EP400: variants seen among roughly 807,000 people sequenced by gnomAD.
The protein encoded by EP400 is E1A-binding protein p400.
EP400 carries 105 observed loss-of-function variants against 354.1 expected under a neutral mutation model. The observed-to-expected ratio is 0.30, with a 90% CI of 0.25 to 0.35. The LOEUF (loss-of-function observed/expected upper bound fraction) is 0.35, where lower values mean the gene tolerates loss of function less well. Among genes scored for constraint, EP400 ranks in the 10% least tolerant of loss-of-function variants. The pLI is 1.00. For missense variants in EP400, 3,280 were observed against 4,121.0 expected (o/e 0.80, Z 5.59); for synonymous variants, 1,646 against 1,716.9 (o/e 0.96, Z 1.02).
intron 1 of EP400, among the ~76,000 whole-genome samples, chr12:131,956,195 T>C (rs1432005625): frequency 6.6e-6 from 1 of 152,120 alleles, no homozygotes; most frequent in African/African-American, 2.4e-5. Context: ...CTCAACTGTG[T>C]TGTGGGTGTG....
rs1894112821 is a variant in EP400 at position 132,021,246 on chromosome 12, C to T, written c.4615C>T (p.Pro1539Ser). The T allele has an allele frequency of 6.5e-7, 1 of 1,549,932 alleles. No individual in the cohort carries two copies. Among genetic ancestry groups the T allele is most frequent in the Non-Finnish European group, 8.7e-7 (1 of 1,154,202 alleles). ...PGQPPPQPQA[P>S]SHAAGQSALP... ...CCAGCCCCCGCCCCAGCCCCAGGCC[C>T]CCTCGCACGCGGCCGGGCAGAGCGC... Residue 1539 changes from proline (P) to serine (S), a missense_variant, in exon 23 of 53, where the codon CCC becomes TCC. By Grantham distance (74) the Pro-to-Ser change is moderately conservative. Around this residue, in one of 20 missense-constraint regions of EP400, gnomAD observed 342 missense variants for 342.7 expected, o/e 1.00. Coordinates refer to ENST00000389561, the MANE Select transcript of EP400 (RefSeq NM_015409.5).
chr12:132,018,415 C>G lies in EP400; in HGVS notation c.4277+39C>G. 1.3e-6 allele frequency: 2 copies of G among 1,565,144 alleles called. No homozygotes were observed. Among genetic ancestry groups the G allele is most frequent in the Non-Finnish European group, 1.7e-6 (2 of 1,161,270 alleles). ...AGAGGCAGCGGGGAGGGTTGGCTCC[C>G]AGGGCCCCCACAGCTGACCCAGGTC... On this transcript the variant is annotated intron_variant, in intron 21 of 52. Transcript: ENST00000389561. This position sits in a 1 kb window ranked among gnomAD's most constrained non-coding sequence, Gnocchi z 4.0.
rs926168005 is a variant in EP400 at position 131,989,991 on chromosome 12, G to A, written c.2437G>A (p.Glu813Lys). The change falls in exon 8 of 53, where the codon GAG (glutamate) becomes AAG (lysine). Residue 813 changes from glutamate to lysine, a missense_variant. Physicochemically the swap from Glu to Lys is moderately conservative, Grantham distance 56. Transcript: ENST00000389561. ...KLVRTVVRHH[E>K]EKQLREERGK... The stretch of plus-strand genomic sequence containing the variant: ...CGTTAGAACTGTGGTGCGCCATCAC[G>A]AGGAGAAGCAGCTCCGTGAAGAAAG... 34 of 1,613,816 alleles carry A rather than the reference G, an allele frequency of 2.1e-5. No homozygotes were observed. The highest frequency in any genetic ancestry group is 2.8e-5 in the Non-Finnish European group (33 of 1,179,928).
At chr12:132,016,255 A>AC in intron 19 of EP400, among the ~76,000 whole-genome samples, 1 of 151,962 alleles carries the variant, frequency 6.6e-6, no homozygotes, top group Middle Eastern at 3.4e-3. Context: ...TTCGGTCTCC[A>AC]CTCATTTCTC....
intron 2 of EP400, among the ~76,000 whole-genome samples, chr12:131,972,245 T>C (rs1436175840): frequency 1.3e-5 from 2 of 151,528 alleles, no homozygotes; most frequent in Non-Finnish European, 2.9e-5. Context: ...CTCCGCCTCC[T>C]GGGTTCACGC....
chr12:132,064,789 C>A lies in EP400; in HGVS notation c.8456C>A (p.Pro2819Gln). Residue 2819 changes from proline (P) to glutamine (Q), a missense_variant, in exon 48 of 53, where the codon CCG (proline) becomes CAG (glutamine). Physicochemically the swap from Pro to Gln is moderately conservative, Grantham distance 76. Around this residue, in one of 20 missense-constraint regions of EP400, gnomAD observed 86 missense variants for 66.4 expected, o/e 1.29. Transcript: ENST00000389561. ...AQVQVQTSQP[P>Q]QQQSPQLTTV... ...GTGCAAGTGCAGACCTCGCAGCCGC[C>A]GCAGCAGCAGAGCCCCCAGCTCACG... The A allele has an allele frequency of 6.2e-7, 1 of 1,613,026 alleles. No homozygotes were observed. The highest frequency in any genetic ancestry group is 8.5e-7 in the Non-Finnish European group (1 of 1,179,864).
Position 131,960,707 on chromosome 12 carries a change from G to GACCCCCC in EP400, c.88_89insACCCCCC (p.Ala30AspfsTer37). The GACCCCCC allele has an allele frequency of 3.9e-6, 6 of 1,545,588 alleles. No homozygotes were observed. Among genetic ancestry groups the GACCCCCC allele is most frequent in the South Asian group, 2.4e-5 (2 of 83,346 alleles). On this transcript the variant is annotated frameshift_variant, in exon 2 of 53. Coordinates refer to ENST00000389561, the MANE Select transcript of EP400 (RefSeq NM_015409.5). LOFTEE classifies it high-confidence loss of function. ...TGGCAGCGAGGGTGAGGAGCAGCCG[G>GACCCCCC]CCCACCCCAACCCACCCCCGTCCCC...
intron 30 of EP400, 112 bp from the exon 31 acceptor site, chr12:132,037,570 G>A: frequency 1.2e-6 from 1 of 811,094 alleles, no homozygotes; most frequent in Admixed American, 2.0e-5. Context: ...TCTGAGCAGG[G>A]GTAGCTGGAG....
chr12:131,991,454 C>G lies in EP400; in HGVS notation c.2677C>G (p.Leu893Val). The change falls in exon 10 of 53, where the codon CTG (leucine) becomes GTG (valine). Residue 893 changes from leucine (L) to valine (V), a missense_variant and splice_region_variant. By Grantham distance (32) the Leu-to-Val change is conservative. Coordinates refer to ENST00000389561, the MANE Select transcript of EP400 (RefSeq NM_015409.5). ...ATTTGACGCATTACAGGAAAGTTCTCTGGTAAGTTTGGGGTTGTTACTGTG... is the reference window on the plus strand; with the variant it reads ...ATTTGACGCATTACAGGAAAGTTCTGTGGTAAGTTTGGGGTTGTTACTGTG... ...KGFDALQESS[L>V]DSGMSGRKRK... 1.2e-6 allele frequency: 2 copies of G among 1,614,024 alleles called. No homozygotes were observed. The highest frequency in any genetic ancestry group is 1.7e-5 in the Admixed American group (1 of 60,018).
chr12:132,023,063 C>T (rs1332588150), intron 23 of EP400, among the ~76,000 whole-genome samples: 1 of 151,220 alleles, frequency 6.6e-6, no homozygotes, highest in Non-Finnish European at 1.5e-5. Context: ...AGGTACTTTT[C>T]ACATTTTTAA....
chr12:131,951,291 G>A (rs1470535946), intron 1 of EP400, among the ~76,000 whole-genome samples: 1 of 150,888 alleles, frequency 6.6e-6, no homozygotes, highest in African/African-American at 2.4e-5. Context: ...AGCTCAGGCA[G>A]TCCGCCCACC....
intron 24 of EP400, among the ~76,000 whole-genome samples, chr12:132,024,344 G>A (rs1226623897): frequency 6.6e-6 from 1 of 152,154 alleles, no homozygotes; most frequent in African/African-American, 2.4e-5. Context: ...CTGCACTCCA[G>A]CCTGGGTCAC....
At chr12:132,073,378 G>C (rs1896122902) in intron 51 of EP400, among the ~76,000 whole-genome samples, 1 of 151,060 alleles carries the variant, frequency 6.6e-6, no homozygotes, top group Admixed American at 6.6e-5. Context: ...CTCTTCTCCA[G>C]CAATGATCTT....
At position 132,030,299 on chromosome 12, in the gene EP400, C is replaced by G. The variant is rs190215694; in HGVS notation, c.5754+141C>G. 4.5e-4 allele frequency: 443 copies of G among 978,992 alleles called. 4 individuals are homozygous for G. In the South Asian group the frequency reaches 7.1e-3, roughly 16 times the overall value. The allele number at this position is 978,992 out of a possible 1,614,324, so 60.6% of individuals were successfully genotyped here. ...AATGAGCTTCTGAACTTTTTAAAGT[C>G]TCAATCCATCCTTCGATATTTTTTA... On this transcript the variant is annotated intron_variant, in intron 29 of 52. Transcript: ENST00000389561.
chr12:131,957,092 A>C (rs987816949), intron 1 of EP400, among the ~76,000 whole-genome samples: 2 of 152,064 alleles, frequency 1.3e-5, no homozygotes, highest in African/African-American at 4.8e-5. Context: ...GCTGGTCTCA[A>C]AGTCCTGACC....
intron 2 of EP400, among the ~76,000 whole-genome samples, chr12:131,978,468 A>T (rs1022714772): frequency 6.6e-6 from 1 of 152,134 alleles, no homozygotes; most frequent in African/African-American, 2.4e-5. Flanking sequence ...AAGACATCAC[A>T]GAGTTAGGAT....
At chr12:132,057,355 A>T (rs1895547879) in intron 45 of EP400, among the ~76,000 whole-genome samples, 1 of 152,258 alleles carries the variant, frequency 6.6e-6, no homozygotes, top group Non-Finnish European at 1.5e-5. Context: ...CCCGAGACAT[A>T]CATCTCCATG....
At chr12:132,014,833 G>C (rs1333992115) in intron 19 of EP400, among the ~76,000 whole-genome samples, 4 of 152,208 alleles carry the variant, frequency 2.6e-5, no homozygotes, top group Admixed American at 2.0e-4. Flanking sequence ...GCAGACGCCA[G>C]GTGATCGTAT....
intron 48 of EP400, 163 bp from the exon 49 acceptor site, chr12:132,066,611 C>G (rs1895901430): frequency 2.8e-6 from 2 of 722,924 alleles, no homozygotes; most frequent in Admixed American, 7.0e-5. Context: ...TGACATTTCC[C>G]TGCGGCGTGC....
Sources: allele counts gnomAD v4.1 joint callset (sites outside exome capture counted in the v4.1 genomes callset), GRCh38; gene constraint gnomAD v4.1.1; regional missense constraint gnomAD v4.1.1; non-coding constraint Gnocchi (gnomAD v3.1); transcripts MANE v1.5; gene names NCBI Gene and HGNC (gene_info 2026-07-23, HGNC 2026-07-21).